ZNF653: variants seen among roughly 807,000 people sequenced by gnomAD.
ZNF653 encodes the protein 67 kDa zinc finger protein.
A neutral mutation model predicts 59.9 loss-of-function variants in ZNF653; 37 were observed. The ratio of observed to expected loss-of-function variants is 0.62; its 90% confidence interval spans 0.48 to 0.81. The LOEUF (loss-of-function observed/expected upper bound fraction) is 0.81, where lower values mean the gene tolerates loss of function less well. ZNF653 is among the 40% of genes least tolerant of loss of function. The pLI is 0.00. For missense variants in ZNF653, 808 were observed against 881.1 expected (o/e 0.92, Z 1.05); for synonymous variants, 435 against 371.8 (o/e 1.17, Z -1.96).
chr19:11,505,384 C>T, intron 1 of ZNF653, 104 bp downstream of exon 1: 2 of 1,218,462 alleles, frequency 1.6e-6, no homozygotes, highest in Non-Finnish European at 2.1e-6. Flanking sequence ...GGGCGGGGTC[C>T]GCAGGTGCCG....
intron 1 of ZNF653, among the ~76,000 whole-genome samples, chr19:11,500,405 G>A (rs1198906334): frequency 1.3e-5 from 2 of 152,186 alleles, no homozygotes; most frequent in Admixed American, 1.3e-4. Flanking sequence ...CACTATCTCA[G>A]TTCACTGCAA....
intron 3 of ZNF653, among the ~76,000 whole-genome samples, chr19:11,490,605 C>T (rs553515972): frequency 1.3e-5 from 2 of 152,040 alleles, no homozygotes; most frequent in African/African-American, 4.8e-5. Context: ...GTTGGTCAGG[C>T]TGGTCTGGAA....
At chr19:11,498,387 C>T (rs1169601173) in intron 1 of ZNF653, 48 bp from the exon 2 acceptor site, 35 of 1,612,510 alleles carry the variant, frequency 2.2e-5, no homozygotes, top group Non-Finnish European at 2.8e-5. Flanking sequence ...CAGCGCTGGG[C>T]CTGTCTGACC....
chr19:11,501,959 T>TA (rs144726324), intron 1 of ZNF653, among the ~76,000 whole-genome samples: 6,472 of 151,946 alleles, frequency 0.043, 164 homozygotes, highest in Admixed American at 0.071. Flanking sequence ...CACGCCCAGC[T>TA]AATTTTTGTA....
intron 3 of ZNF653, among the ~76,000 whole-genome samples, chr19:11,493,513 G>A (rs920646599): frequency 6.6e-5 from 10 of 152,222 alleles, no homozygotes; most frequent in African/African-American, 1.9e-4. Context: ...GCAGGGTTGG[G>A]GATAAGGAGG....
At chr19:11,496,900 A>C (rs1223590925) in intron 2 of ZNF653, among the ~76,000 whole-genome samples, 1 of 152,134 alleles carries the variant, frequency 6.6e-6, no homozygotes, top group Non-Finnish European at 1.5e-5. Flanking sequence ...CCTTCGGCCC[A>C]CAAGGCCCAC....
In ZNF653 at chr19:11,486,771, G is replaced by A. The variant is rs1450613072; in HGVS notation, c.1453C>T (p.Gln485Ter). The change falls in exon 6 of 9, where the codon CAG (glutamine) becomes TAG (stop). Residue 485 changes from glutamine to a stop codon, truncating the protein, a stop_gained and splice_region_variant. Transcript: ENST00000293771. LOFTEE classifies it high-confidence loss of function. ...SQVYVALSSFQNHVNLVHRKG... is the reference protein window; with the variant it reads ...SQVYVALSSF Reference sequence around the variant, plus strand: ...GCTGCTCCGGGTGGCGGCCTCACCTGGAAGCTGCTGAGGGCCACGTAGACT... The same window carrying A: ...GCTGCTCCGGGTGGCGGCCTCACCTAGAAGCTGCTGAGGGCCACGTAGACT... 1.2e-6 allele frequency: 2 copies of A among 1,603,440 alleles called. No individual in the cohort carries two copies. Among genetic ancestry groups the A allele is most frequent in the Non-Finnish European group, 1.7e-6 (2 of 1,175,286 alleles).
At chr19:11,492,735 GC>G (rs1307265696) in intron 3 of ZNF653, among the ~76,000 whole-genome samples, 4 of 152,254 alleles carry the variant, frequency 2.6e-5, no homozygotes, top group Non-Finnish European at 4.4e-5. Flanking sequence ...CCGGTGCAGA[GC>G]CCCCAGTGCC....
chr19:11,498,425 C>A, intron 1 of ZNF653, 86 bp from the exon 2 acceptor site: 2 of 1,563,208 alleles, frequency 1.3e-6, no homozygotes, highest in Non-Finnish European at 1.8e-6. Context: ...GCTAGAGCCA[C>A]TGCTCATTGT....
chr19:11,499,593 CA>C (rs1971623076), intron 1 of ZNF653, among the ~76,000 whole-genome samples: 1 of 149,346 alleles, frequency 6.7e-6, no homozygotes, highest in Non-Finnish European at 1.5e-5. Context: ...AGCAAGATCC[CA>C]CCTCTATTTA....
intron 1 of ZNF653, among the ~76,000 whole-genome samples, chr19:11,502,755 C>T (rs943310236): frequency 1.3e-5 from 2 of 152,180 alleles, no homozygotes; most frequent in African/African-American, 2.4e-5. Context: ...GCAACCCCGC[C>T]GGGCGCAGTG....
chr19:11,505,124 G>T (rs960325317), intron 1 of ZNF653: 8 of 218,852 alleles, frequency 3.7e-5, no homozygotes, highest in Admixed American at 1.2e-4. Flanking sequence ...GGAACTAAGC[G>T]GGGGAGGATG....
Position 11,487,179 on chromosome 19 carries a change from G to C in ZNF653, c.1172-21C>G. ...CTTCTCTACAGGGTGGACACAGGGTGGTGTCCGCAGGGGACGAAGGCTGCC... is the reference window on the plus strand; with the variant it reads ...CTTCTCTACAGGGTGGACACAGGGTCGTGTCCGCAGGGGACGAAGGCTGCC... On this transcript the variant is annotated intron_variant, in intron 4 of 8. Transcript: ENST00000293771. This position sits in a 1 kb window ranked among gnomAD's most constrained non-coding sequence, Gnocchi z 5.1. 3.1e-6 allele frequency: 5 copies of C among 1,608,660 alleles called. No homozygotes were observed. Among genetic ancestry groups the C allele is most frequent in the Non-Finnish European group, 4.2e-6 (5 of 1,179,090 alleles).
chr19:11,488,685 CTT>C, intron 3 of ZNF653, among the ~76,000 whole-genome samples: 1 of 151,682 alleles, frequency 6.6e-6, no homozygotes, highest in East Asian at 1.9e-4. Flanking sequence ...GCAAGCTCCG[CTT>C]CCCAGGTTCA....
At chr19:11,485,958 TTTA>T (rs1190248807) in intron 6 of ZNF653, among the ~76,000 whole-genome samples, 188 bp from the exon 7 acceptor site, 1 of 151,858 alleles carries the variant, frequency 6.6e-6, no homozygotes, top group Non-Finnish European at 1.5e-5. Flanking sequence ...CTTTATTTTT[TTTA>T]TTTTTTGAGA....
rs145551905 is a variant in ZNF653, at chr19:11,495,449, G to T, written c.559+501C>A. ...AACAGGAGGGAAACAGAATGGAGGG[G>T]GAAGGCAAGAAACGAAGCCTGGAAA... On this transcript the variant is annotated intron_variant, in intron 3 of 8. Transcript: ENST00000293771. The surrounding 1 kb of genome is among the most constrained non-coding windows in gnomAD (Gnocchi z 4.9). 3.1e-4 allele frequency: 54 copies of T among 172,438 alleles called. 2 individuals are homozygous for T. The East Asian group carries it at 8.0e-3, about 26-fold the overall frequency. 10.7% of individuals were successfully genotyped at this position (172,438 alleles called of 1,614,324 possible). A position where few individuals can be genotyped will look rare whatever the true frequency, so the allele number is the denominator to read the frequency against.
chr19:11,505,047 G>A (rs552224306), intron 1 of ZNF653: 78 of 163,990 alleles, frequency 4.8e-4, no homozygotes, highest in African/African-American at 1.6e-3. Context: ...GTCCCAGATG[G>A]GGCACCAGAA....
chr19:11,489,973 C>T (rs141186113), intron 3 of ZNF653, among the ~76,000 whole-genome samples: 1 of 152,328 alleles, frequency 6.6e-6, no homozygotes, highest in East Asian at 1.9e-4. Context: ...AACTGAATGT[C>T]CAATAATTCA....
At position 11,487,323 on chromosome 19, in the gene ZNF653, G is replaced by A; in HGVS notation, c.1140C>T (p.Ala380=). 6.2e-7 allele frequency: 1 copy of A among 1,613,630 alleles called. No individual in the cohort carries two copies. Among genetic ancestry groups the A allele is most frequent in the Non-Finnish European group, 8.5e-7 (1 of 1,179,828 alleles). Reference sequence around the variant, plus strand: ...TGGTCTCGATGCCTGCTACTGCGGTGGCGTCCATGGTGCTAGGCTGGCTAC... The same window carrying A: ...TGGTCTCGATGCCTGCTACTGCGGTAGCGTCCATGGTGCTAGGCTGGCTAC... ...PEGSQPSTMD[A]TAVAGIETKK... is the part of the protein sequence containing the mutation. Residue 380 remains alanine (A), a synonymous_variant, in exon 4 of 9, where the codon GCC becomes GCT. Coordinates refer to ENST00000293771, the MANE Select transcript of ZNF653 (RefSeq NM_138783.4). The surrounding 1 kb of genome is among the most constrained non-coding windows in gnomAD (Gnocchi z 5.1).
Sources: allele counts gnomAD v4.1 joint callset (sites outside exome capture counted in the v4.1 genomes callset), GRCh38; gene constraint gnomAD v4.1.1; non-coding constraint Gnocchi (gnomAD v3.1); transcripts MANE v1.5; gene names NCBI Gene and HGNC (gene_info 2026-07-23, HGNC 2026-07-21).